The following SYTL3 variants were observed in gnomAD, a reference collection of about 807,000 sequenced individuals.
SYTL3 encodes the protein synaptotagmin-like protein 3.
In SYTL3, 88 loss-of-function variants were observed where a neutral mutation model predicts 82.1. That is an observed-to-expected ratio of 1.07 (90% CI 0.90 to 1.28). SYTL3 has a LOEUF of 1.28. Among genes scored for constraint, SYTL3 ranks in the 50% most tolerant of loss-of-function variants. SYTL3 has a pLI of 0.00. For missense variants in SYTL3, 831 were observed against 757.6 expected, an observed-to-expected ratio of 1.10 and a Z score of -1.14; for synonymous variants, 311 against 289.4, an observed-to-expected ratio of 1.07 and a Z score of -0.76.
Position 158,706,432 on chromosome 6 carries a change from G to GT in SYTL3, c.395-791dup, listed in dbSNP as rs535842858. Among the ~76,000 whole-genome samples, 4 of 152,212 alleles carry GT rather than the reference G, an allele frequency of 2.6e-5. No homozygotes were observed. The South Asian group carries it at 8.3e-4, about 32-fold the overall frequency. On this transcript the variant is annotated intron_variant, in intron 6 of 17. Coordinates refer to ENST00000611299, the MANE Select transcript of SYTL3 (RefSeq NM_001242394.2). ...GAAGTGATGTTTCCATATGTAAATG[G>GT]TTTTTTTGGAATGGCTGAAATCCCC...
chr6:158,682,023 G>A (rs558465144), intron 5 of SYTL3, among the ~76,000 whole-genome samples: 144 of 151,886 alleles, frequency 9.5e-4, no homozygotes, highest in African/African-American at 3.2e-3. Context: ...TGCAACTTCC[G>A]TCTCCCAGGT....
upstream of SYTL3, among the ~76,000 whole-genome samples, chr6:158,649,109 C>T (rs541955365): frequency 9.2e-5 from 14 of 152,210 alleles, no homozygotes; most frequent in East Asian, 1.9e-4. Context: ...GCAGGGCCTC[C>T]GCTGGCATTT....
intron 11 of SYTL3, among the ~76,000 whole-genome samples, chr6:158,741,724 G>T (rs183355850): frequency 3.3e-5 from 5 of 152,252 alleles, no homozygotes; most frequent in African/African-American, 1.2e-4. Flanking sequence ...ATGGTTTGTT[G>T]TTGTGCAGAA....
At position 158,707,213 on chromosome 6, in the gene SYTL3, A is replaced by G. The variant is rs372216226; in HGVS notation, c.395-17A>G. ...CTATTCTTAATAATAAACGCCCTCT[A>G]TGGATATCTCTCGCAGGCAAACATG... On this transcript the variant is annotated splice_polypyrimidine_tract_variant and intron_variant, in intron 6 of 17. Transcript: ENST00000611299. The G allele has an allele frequency of 2.9e-5, 46 of 1,613,280 alleles. No individual in the cohort carries two copies. The highest frequency in any genetic ancestry group is 4.0e-5 in the African/African-American group (3 of 74,912).
At chr6:158,760,917 C>G (rs1043643908) in intron 15 of SYTL3, among the ~76,000 whole-genome samples, 172 bp downstream of exon 15, 4 of 152,206 alleles carry the variant, frequency 2.6e-5, no homozygotes, top group Non-Finnish European at 5.9e-5. Flanking sequence ...GAGAGGTTCT[C>G]TGGAGCCCGT....
At chr6:158,685,216 C>CTCTTT (rs769252041) in intron 6 of SYTL3, among the ~76,000 whole-genome samples, 56 of 135,668 alleles carry the variant, frequency 4.1e-4, no homozygotes, top group African/African-American at 1.4e-3. Flanking sequence ...CTCTCTCTCT[C>CTCTTT]TTTTTTTTTT....
intron 4 of SYTL3, among the ~76,000 whole-genome samples, chr6:158,664,298 A>T (rs944484624): frequency 1.3e-4 from 20 of 152,210 alleles, no homozygotes; most frequent in Admixed American, 6.5e-4. Flanking sequence ...TCATCCCAGC[A>T]CTTTGGGAGG....
At chr6:158,717,604 TTTG>T (rs1208971237) in intron 9 of SYTL3, among the ~76,000 whole-genome samples, 1 of 149,060 alleles carries the variant, frequency 6.7e-6, no homozygotes, top group Non-Finnish European at 1.5e-5. Flanking sequence ...CTTTCCAGGG[TTTG>T]TTTATTATAA....
intron 9 of SYTL3, among the ~76,000 whole-genome samples, chr6:158,716,085 A>G (rs540452780): frequency 1.2e-4 from 19 of 152,252 alleles, no homozygotes; most frequent in East Asian, 3.9e-4. Flanking sequence ...ATGCTGCCCA[A>G]TGAAGTCAAA....
intron 2 of SYTL3, 105 bp downstream of exon 2, chr6:158,651,947 A>C (rs1362086169): frequency 3.3e-5 from 5 of 151,034 alleles, no homozygotes; most frequent in Non-Finnish European, 7.4e-5. Context: ...TATTTATTTG[A>C]GATGGAGTCT....
chr6:158,746,337 C>G (rs1054090713), intron 12 of SYTL3, among the ~76,000 whole-genome samples: 1 of 151,732 alleles, frequency 6.6e-6, no homozygotes, highest in African/African-American at 2.4e-5. Context: ...AAAAATTTGG[C>G]TTTCCACGCA....
intron 10 of SYTL3, among the ~76,000 whole-genome samples, chr6:158,724,276 T>A (rs949151565): frequency 6.6e-6 from 1 of 152,232 alleles, no homozygotes; most frequent in African/African-American, 2.4e-5. Flanking sequence ...GCTTAATAAA[T>A]AAATGTCTGT....
chr6:158,687,428 C>T (rs997406125), intron 6 of SYTL3, among the ~76,000 whole-genome samples: 6 of 152,148 alleles, frequency 3.9e-5, no homozygotes, highest in African/African-American at 1.4e-4. Context: ...CTTCAGAAGC[C>T]ACACCCTGTC....
Position 158,752,012 on chromosome 6 carries a change from C to G in SYTL3, c.1119C>G (p.Thr373=). The G allele has an allele frequency of 6.3e-7, 1 of 1,597,024 alleles. No individual in the cohort carries two copies. Among genetic ancestry groups the G allele is most frequent in the Non-Finnish European group, 8.5e-7 (1 of 1,173,832 alleles). Residue 373 remains threonine, a synonymous_variant, in exon 13 of 18, where the codon ACC becomes ACG. Transcript: ENST00000611299. The part of the protein sequence containing the change: ...TGVQRNTVDP[T]FQETLKYQVA... Reference sequence around the variant, plus strand: ...TCCAAAGGAACACCGTGGACCCGACCTTTCAGGAGACCTTGAAGGTACTTG... The same window carrying G: ...TCCAAAGGAACACCGTGGACCCGACGTTTCAGGAGACCTTGAAGGTACTTG...
At position 158,663,343 on chromosome 6, in the gene SYTL3, C is replaced by T; in HGVS notation, c.75C>T (p.Asp25=). ...REAILQVLYR[D]QAVQNTEEER... is the part of the protein sequence containing the mutation. Reference sequence around the variant, plus strand: ...CCATTCTCCAGGTCCTGTACCGAGACCAGGCGGTTCAAAACACAGAGGAGG... The same window carrying T: ...CCATTCTCCAGGTCCTGTACCGAGATCAGGCGGTTCAAAACACAGAGGAGG... Residue 25 remains aspartate, a synonymous_variant, in exon 4 of 18, where the codon GAC becomes GAT. Coordinates refer to ENST00000611299, the MANE Select transcript of SYTL3 (RefSeq NM_001242394.2). 6.2e-7 allele frequency: 1 copy of T among 1,614,026 alleles called. No individual in the cohort carries two copies. Among genetic ancestry groups the T allele is most frequent in the Non-Finnish European group, 8.5e-7 (1 of 1,180,026 alleles).
chr6:158,742,511 G>A (rs1787060250), intron 11 of SYTL3, among the ~76,000 whole-genome samples: 1 of 151,836 alleles, frequency 6.6e-6, no homozygotes, highest in African/African-American at 2.4e-5. Context: ...CCCCTTCCCT[G>A]TGATAAGCCT....
chr6:158,764,434 A>G (rs1790494468), intron 17 of SYTL3, 61 bp from the exon 18 acceptor site: 2 of 1,262,098 alleles, frequency 1.6e-6, no homozygotes, highest in Non-Finnish European at 1.2e-6. Flanking sequence ...TTTTAAAGGG[A>G]TGAGAGGGGA....
rs369037182 is a variant in SYTL3, at chr6:158,763,656, T to G, written c.1723+147T>G. The G allele has an allele frequency of 1.1e-4, 74 of 675,560 alleles. 1 individual carries two copies. Among genetic ancestry groups the G allele is most frequent in the South Asian group, 5.7e-4 (31 of 53,952 alleles). The allele number at this position is 675,560 out of a possible 1,614,324, so 41.8% of individuals were successfully genotyped here. A position where few individuals can be genotyped will look rare whatever the true frequency, so the allele number is the denominator to read the frequency against. On this transcript the variant is annotated intron_variant, in intron 17 of 17. Transcript: ENST00000611299. The stretch of plus-strand genomic sequence containing the variant: ...TTAATTGGAAATGCCTAAGTCTAGT[T>G]TTTACTCTACAGCTGAGCCATAATA...
intron 10 of SYTL3, among the ~76,000 whole-genome samples, chr6:158,721,476 G>T (rs552558623): frequency 2.0e-5 from 3 of 152,002 alleles, no homozygotes; most frequent in South Asian, 4.2e-4. Context: ...CTCCCAAAGT[G>T]CTAGGATTAC....
Sources: allele counts gnomAD v4.1 joint callset (sites outside exome capture counted in the v4.1 genomes callset), GRCh38; gene constraint gnomAD v4.1.1; transcripts MANE v1.5; gene names NCBI Gene and HGNC (gene_info 2026-07-23, HGNC 2026-07-21).